The following DAB1 variants were observed in gnomAD, a reference collection of about 807,000 sequenced individuals.
DAB1 encodes DAB adaptor protein 1, also known as disabled homolog 1.
Under a neutral mutation model 64.6 loss-of-function variants are expected in DAB1, and 15 were observed. The ratio of observed to expected loss-of-function variants is 0.23; its 90% CI spans 0.16 to 0.36. The LOEUF is 0.36. Among genes scored for constraint, DAB1 ranks in the 10% least tolerant of loss-of-function variants. The pLI is 1.00. For missense variants in DAB1, 596 were observed against 706.7 expected, an observed-to-expected ratio of 0.84 and a Z score of 1.78; for synonymous variants, 235 against 251.9, an observed-to-expected ratio of 0.93 and a Z score of 0.64.
intron 7 of DAB1, among the ~76,000 whole-genome samples, chr1:57,617,652 G>A (rs2101611453): frequency 6.6e-6 from 1 of 152,234 alleles, no homozygotes; most frequent in Middle Eastern, 3.4e-3. Context: ...AGATCTCTAA[G>A]GTCCCTTGCT....
intron 7 of DAB1, among the ~76,000 whole-genome samples, chr1:57,530,206 A>G (rs1281735114): frequency 1.3e-5 from 2 of 152,226 alleles, no homozygotes; most frequent in Non-Finnish European, 2.9e-5. Flanking sequence ...ATTAAAATTT[A>G]CTTTCAAAGA....
intron 2 of DAB1, among the ~76,000 whole-genome samples, chr1:57,223,023 G>T (rs1268982543): frequency 6.6e-6 from 1 of 152,160 alleles, no homozygotes; most frequent in Non-Finnish European, 1.5e-5. Flanking sequence ...GCCCTGCAGA[G>T]TTCCTTCCAG....
At chr1:57,268,505 A>G (rs984463386) in intron 2 of DAB1, among the ~76,000 whole-genome samples, 2 of 152,150 alleles carry the variant, frequency 1.3e-5, no homozygotes, top group Admixed American at 6.6e-5. Flanking sequence ...CATTCCAGTG[A>G]GATATATAAT....
chr1:57,479,879 C>A (rs1412314399), intron 7 of DAB1, among the ~76,000 whole-genome samples: 2 of 151,926 alleles, frequency 1.3e-5, no homozygotes, highest in Non-Finnish European at 2.9e-5. Flanking sequence ...AGGGGCCGGG[C>A]GCGGTGGCTC....
rs184199056 is a variant in DAB1, at chr1:57,658,389, C to T, written n.552-8724G>A. Among the ~76,000 whole-genome samples the T allele has an allele frequency of 3.4e-3, 514 of 151,126 alleles. 3 individuals carry two copies. The highest frequency in any genetic ancestry group is 0.012 in the African/African-American group (492 of 41,126). ...CGTGATTTCTGCTCACTGCAAGCTC[C>T]GCCTCCCGGGTTCACGCCATTCTCC... On this transcript the variant is annotated intron_variant and non_coding_transcript_variant, in intron 6 of 20. Coordinates refer to the DAB1 transcript ENST00000485760.
At chr1:58,182,549 C>T (rs1656854414) in intron 4 of DAB1, among the ~76,000 whole-genome samples, 1 of 151,880 alleles carries the variant, frequency 6.6e-6, no homozygotes, top group African/African-American at 2.4e-5. Flanking sequence ...AAATCTTTCT[C>T]CTGACATCTT....
rs1236898322 is a variant in DAB1, at chr1:57,632,053, A to G, written n.625+17539T>C. Among the ~76,000 whole-genome samples the G allele has an allele frequency of 5.9e-5, 9 of 152,350 alleles. No homozygotes were observed. In the East Asian group the frequency reaches 1.5e-3, roughly 26 times the overall value. ...TCTGAGGGAACAGTCTACAGGGAGT[A>G]GAAGATATTGTCTGAGGTATATGGG... On this transcript the variant is annotated intron_variant and non_coding_transcript_variant, in intron 7 of 20. Transcript: ENST00000485760.
intron 5 of DAB1, among the ~76,000 whole-genome samples, chr1:57,922,016 G>C (rs1356419415): frequency 6.6e-6 from 1 of 152,132 alleles, no homozygotes; most frequent in Non-Finnish European, 1.5e-5. Flanking sequence ...AAAATCATTT[G>C]GCTGGCTCTC....
intron 2 of DAB1, among the ~76,000 whole-genome samples, chr1:57,214,039 A>G (rs976057988): frequency 1.3e-5 from 2 of 152,214 alleles, no homozygotes; most frequent in Non-Finnish European, 2.9e-5. Flanking sequence ...GTCACTGAAG[A>G]AAACACTTGT....
rs563738409 is a variant in DAB1, at chr1:57,259,646, A to G, written c.67+31318T>C. ...GCAAAACACAGAGTAAAGGACACAC[A>G]GTTGAAGGGAGCACAATTTGTAATT... On this transcript the variant is annotated intron_variant, in intron 2 of 14. Coordinates refer to ENST00000371236, the MANE Select transcript of DAB1 (RefSeq NM_001365792.1). 1.2e-4 allele frequency among the ~76,000 whole-genome samples: 18 copies of G among 152,354 alleles called. No homozygotes were observed. In the South Asian group the frequency reaches 3.5e-3, roughly 30 times the overall value.
intron 7 of DAB1, among the ~76,000 whole-genome samples, chr1:57,556,572 T>C (rs1006019811): frequency 6.6e-6 from 1 of 152,212 alleles, no homozygotes; most frequent in African/African-American, 2.4e-5. Flanking sequence ...GCCATTTGTA[T>C]ATCTTCTTTT....
At chr1:57,759,634 G>A (rs932294582) in intron 6 of DAB1, among the ~76,000 whole-genome samples, 1 of 152,114 alleles carries the variant, frequency 6.6e-6, no homozygotes, top group African/African-American at 2.4e-5. Context: ...AATTGCAGGG[G>A]GATGCCACTG....
chr1:57,224,853 T>C (rs187485801), intron 2 of DAB1, among the ~76,000 whole-genome samples: 2 of 152,276 alleles, frequency 1.3e-5, no homozygotes, highest in East Asian at 1.9e-4. Flanking sequence ...GATTAAAGGA[T>C]TGGAACTTTC....
chr1:57,912,071 T>G (rs915833566), intron 5 of DAB1, among the ~76,000 whole-genome samples: 1 of 152,216 alleles, frequency 6.6e-6, no homozygotes, highest in Non-Finnish European at 1.5e-5. Context: ...AAGGTTGTTT[T>G]AAAAGTTAAT....
intron 1 of DAB1, among the ~76,000 whole-genome samples, chr1:57,291,760 AAAAG>A (rs1672794029): frequency 1.3e-5 from 2 of 152,206 alleles, no homozygotes; most frequent in Admixed American, 1.3e-4. Flanking sequence ...TGTGCAGAGA[AAAAG>A]AAAAGAAACA....
chr1:58,227,617 C>T (rs1221327416), intron 4 of DAB1, among the ~76,000 whole-genome samples: 2 of 152,070 alleles, frequency 1.3e-5, no homozygotes, highest in Non-Finnish European at 2.9e-5. Flanking sequence ...ATAAGAAAGT[C>T]ACGAAAGTTA....
chr1:58,493,223 A>G (rs943655731), intron 3 of DAB1, among the ~76,000 whole-genome samples: 24 of 152,324 alleles, frequency 1.6e-4, no homozygotes, highest in African/African-American at 5.1e-4. Context: ...ACAGCCCTTC[A>G]TGCTAAAAAC....
At chr1:57,453,515 G>C (rs1686469284) in intron 7 of DAB1, among the ~76,000 whole-genome samples, 2 of 152,094 alleles carry the variant, frequency 1.3e-5, no homozygotes, top group East Asian at 3.8e-4. Context: ...AATTCTGTAG[G>C]TTTGCCGATC....
chr1:57,286,253 G>A (rs1672305899), intron 2 of DAB1, among the ~76,000 whole-genome samples: 1 of 152,084 alleles, frequency 6.6e-6, no homozygotes, highest in African/African-American at 2.4e-5. Context: ...GAACTCTAAA[G>A]GGCCTTTATG....
Sources: gnomAD v4.1 joint callset for allele counts (sites outside exome capture counted in the v4.1 genomes callset) on GRCh38, gnomAD v4.1.1 for gene constraint, MANE v1.5 for transcripts, NCBI Gene and HGNC (gene_info 2026-07-23, HGNC 2026-07-21) for gene names.